The following MPDZ variants were observed in gnomAD, a reference collection of about 807,000 sequenced individuals.
MPDZ encodes the protein multiple PDZ domain crumbs cell polarity complex component.
MPDZ carries 234 observed loss-of-function variants against 239.1 expected under a neutral mutation model. The ratio of observed to expected loss-of-function variants is 0.98; its 90% CI spans 0.88 to 1.09. MPDZ has a LOEUF of 1.09. MPDZ is among the 50% of genes least tolerant of loss of function. The pLI, the probability that MPDZ is intolerant of heterozygous loss-of-function variation, is 0.00. For missense variants in MPDZ, 3,175 were observed against 2,510.0 expected, an observed-to-expected ratio of 1.26 and a Z score of -5.66; for synonymous variants, 1,048 against 881.3, an observed-to-expected ratio of 1.19 and a Z score of -3.35.
intron 3 of MPDZ, among the ~76,000 whole-genome samples, chr9:13,231,411 C>CA (rs1344494518): frequency 6.6e-6 from 1 of 151,902 alleles, no homozygotes; most frequent in Admixed American, 6.6e-5. Flanking sequence ...AATAAAAATA[C>CA]AAAAAATTAG....
chr9:13,196,326 A>G, intron 12 of MPDZ, 96 bp from the exon 13 acceptor site: 1 of 765,840 alleles, frequency 1.3e-6, no homozygotes, highest in Admixed American at 2.4e-5. Flanking sequence ...AACCCGCTGT[A>G]TCACGTCAGA....
intron 23 of MPDZ, among the ~76,000 whole-genome samples, chr9:13,160,830 T>TCATATATATATATA (rs1950373029): frequency 2.6e-5 from 1 of 37,978 alleles, no homozygotes; most frequent in Non-Finnish European, 5.3e-5. Flanking sequence ...ATTATTAAAA[T>TCATATATATATATA]TATATATATA....
intron 26 of MPDZ, among the ~76,000 whole-genome samples, chr9:13,145,713 T>C (rs1039104503): frequency 5.3e-5 from 8 of 152,124 alleles, no homozygotes; most frequent in East Asian, 3.9e-4. Flanking sequence ...CCTGGAACAA[T>C]TGCTATAAAA....
intron 42 of MPDZ, 150 bp downstream of exon 42, chr9:13,112,861 G>T: frequency 1.3e-6 from 1 of 767,254 alleles, no homozygotes; most frequent in Non-Finnish European, 2.1e-6. Context: ...ATTCATTAAG[G>T]ACTACATTAT....
intron 24 of MPDZ, among the ~76,000 whole-genome samples, chr9:13,153,612 A>G (rs566981208): frequency 2.0e-5 from 3 of 152,246 alleles, no homozygotes; most frequent in Admixed American, 2.0e-4. Flanking sequence ...TGCTGAGATT[A>G]TAGGCATGAG....
At chr9:13,182,848 T>C (rs1394507816) in intron 19 of MPDZ, among the ~76,000 whole-genome samples, 1 of 152,146 alleles carries the variant, frequency 6.6e-6, no homozygotes, top group African/African-American at 2.4e-5. Context: ...AAAATATAAA[T>C]GGCACAGATA....
intron 3 of MPDZ, among the ~76,000 whole-genome samples, chr9:13,232,227 G>A (rs1267268681): frequency 1.3e-5 from 2 of 152,144 alleles, no homozygotes; most frequent in African/African-American, 4.8e-5. Context: ...AGTGAACTTA[G>A]TAAGTTGGTG....
At chr9:13,172,428 G>T (rs1225184986) in intron 21 of MPDZ, among the ~76,000 whole-genome samples, 1 of 149,588 alleles carries the variant, frequency 6.7e-6, no homozygotes, top group Non-Finnish European at 1.5e-5. Context: ...TGTCACCTAG[G>T]CTGGAGTGTA....
intron 23 of MPDZ, among the ~76,000 whole-genome samples, chr9:13,160,078 C>T (rs1246460450): frequency 6.6e-6 from 1 of 152,176 alleles, no homozygotes; most frequent in East Asian, 1.9e-4. Flanking sequence ...CACTGGCAGA[C>T]AGCATAGGTG....
intron 1 of MPDZ, among the ~76,000 whole-genome samples, chr9:13,259,004 GA>G (rs1970050721): frequency 6.6e-6 from 1 of 151,708 alleles, no homozygotes; most frequent in African/African-American, 2.4e-5. Context: ...AGAATCGCTT[GA>G]ACCCAGGAGG....
chr9:13,173,607 A>C (rs1416004665), intron 21 of MPDZ, among the ~76,000 whole-genome samples: 1 of 151,698 alleles, frequency 6.6e-6, no homozygotes, highest in African/African-American at 2.4e-5. Flanking sequence ...GGAGGCTGAG[A>C]GGGATGAGAA....
At chr9:13,129,168 A>C (rs1197914604) in intron 32 of MPDZ, among the ~76,000 whole-genome samples, 1 of 152,208 alleles carries the variant, frequency 6.6e-6, no homozygotes. Flanking sequence ...TTGATATCAG[A>C]AAAGCAGGAT....
chr9:13,168,607 T>A (rs777856749), intron 21 of MPDZ, 43 bp from the exon 22 acceptor site: 1 of 1,283,008 alleles, frequency 7.8e-7, no homozygotes, highest in South Asian at 1.7e-5. Context: ...ATACATGATT[T>A]TTCAATTCAT....
chr9:13,206,015 G>C lies in MPDZ; in HGVS notation c.1375C>G (p.Leu459Val), dbSNP rs751861492. ...TCCTGCTTCATTCCTCTCCTCATTA[G>C]TGTCAGGAGCACAGTTTGTCCTGTA... is the stretch of plus-strand genomic sequence containing the variant. ...RHTGQTVLLT[L>V]MRRGMKQEAE... Residue 459 changes from leucine (L) to valine (V), a missense_variant, in exon 11 of 47, where the codon CTA (leucine) becomes GTA (valine). Transcript: ENST00000319217. 2 of 1,612,174 alleles carry C rather than the reference G, an allele frequency of 1.2e-6. No individual in the cohort carries two copies. The highest frequency in any genetic ancestry group is 1.3e-5 in the African/African-American group (1 of 74,474).
chr9:13,193,870 G>A (rs778311306), intron 13 of MPDZ, among the ~76,000 whole-genome samples: 14 of 152,062 alleles, frequency 9.2e-5, no homozygotes, highest in African/African-American at 3.1e-4. Flanking sequence ...TGCCAAAGAC[G>A]ATCTACTTTA....
chr9:13,276,390 G>C (rs1218537603), intron 1 of MPDZ, among the ~76,000 whole-genome samples: 2 of 152,036 alleles, frequency 1.3e-5, no homozygotes, highest in Admixed American at 6.5e-5. Flanking sequence ...TTTCCGAACT[G>C]TACTTATATA....
At chr9:13,180,208 T>C (rs977973728) in intron 19 of MPDZ, among the ~76,000 whole-genome samples, 2 of 152,158 alleles carry the variant, frequency 1.3e-5, no homozygotes, top group Non-Finnish European at 2.9e-5. Context: ...AATAATATTT[T>C]ATGCTAGACA....
intron 32 of MPDZ, among the ~76,000 whole-genome samples, chr9:13,131,102 G>A (rs1014510210): frequency 1.3e-5 from 2 of 152,024 alleles, no homozygotes; most frequent in Non-Finnish European, 2.9e-5. Context: ...AAATATATAG[G>A]ATAGTAAAAA....
chr9:13,140,497 A>G (rs2132481262), intron 27 of MPDZ, among the ~76,000 whole-genome samples: 1 of 148,732 alleles, frequency 6.7e-6, no homozygotes, highest in South Asian at 2.1e-4. Context: ...ATATATATCT[A>G]TGTATATATA....
Sources: allele counts gnomAD v4.1 joint callset (sites outside exome capture counted in the v4.1 genomes callset), GRCh38; gene constraint gnomAD v4.1.1; transcripts MANE v1.5; gene names NCBI Gene and HGNC (gene_info 2026-07-23, HGNC 2026-07-21).